ABCA3: variants seen among roughly 807,000 people sequenced by gnomAD.
The protein encoded by ABCA3 is ATP binding cassette subfamily A member 3.
A neutral mutation model predicts 172.8 loss-of-function variants in ABCA3; 88 were observed. The ratio of observed to expected loss-of-function variants is 0.51; its 90% confidence interval spans 0.43 to 0.61. ABCA3 has a LOEUF of 0.61. ABCA3 is among the 20% of genes least tolerant of loss of function. ABCA3 has a pLI of 0.00. For missense variants in ABCA3, 2,164 were observed against 2,301.0 expected, an observed-to-expected ratio of 0.94 and a Z score of 1.22; for synonymous variants, 1,066 against 983.8, an observed-to-expected ratio of 1.08 and a Z score of -1.56.
intron 1 of ABCA3, among the ~76,000 whole-genome samples, chr16:2,334,168 T>G (rs2093747946): frequency 1.3e-5 from 2 of 150,376 alleles, no homozygotes; most frequent in African/African-American, 4.9e-5. Flanking sequence ...TGGGGGGAGG[T>G]GACATGGGAA....
chr16:2,332,381 G>C (rs4787278), intron 1 of ABCA3: 58 of 962,450 alleles, frequency 6.0e-5, no homozygotes, highest in Non-Finnish European at 9.4e-5. Context: ...TCGCAGGGAC[G>C]GGGATCAGCT....
At position 2,297,355 on chromosome 16, in the gene ABCA3, G is replaced by A. The variant is rs1242820672; in HGVS notation, c.2237C>T (p.Ser746Phe). The A allele has an allele frequency of 6.2e-7, 1 of 1,612,324 alleles. No homozygotes were observed. The highest frequency in any genetic ancestry group is 8.5e-7 in the Non-Finnish European group (1 of 1,179,978). The change falls in exon 17 of 33, where the codon TCC becomes TTC. Residue 746 changes from serine (S) to phenylalanine (F), a missense_variant. By Grantham distance (155) the Ser-to-Phe change is radical. This residue lies in a region of ABCA3 where 1,343 missense variants were observed against 1,369.6 expected (regional missense o/e 0.98). Coordinates refer to ENST00000301732, the MANE Select transcript of ABCA3 (RefSeq NM_001089.3). The surrounding 1 kb of genome is among the most constrained non-coding windows in gnomAD (Gnocchi z 5.6). ...GTATTTCTGCTTGAGGAACAGCGAG[G>A]ACCCGCAGCACTGCAGCTCCCCCTT... ...MAKGELQCCGSSLFLKQKYGA... is the reference protein window; with the variant it reads ...MAKGELQCCGFSLFLKQKYGA...
Position 2,281,550 on chromosome 16 carries a change from G to A in ABCA3, c.4036-41C>T, listed in dbSNP as rs546506368. On this transcript the variant is annotated intron_variant, in intron 26 of 32. Coordinates refer to ENST00000301732, the MANE Select transcript of ABCA3 (RefSeq NM_001089.3). This position sits in a 1 kb window ranked among gnomAD's most constrained non-coding sequence, Gnocchi z 4.7. ...AAAGACCGCATGCGTGAACCCAGCC[G>A]CAGGGCGGCTTCCGTGGAGAAGGGA... 9 of 1,609,514 alleles carry A rather than the reference G, an allele frequency of 5.6e-6. No individual in the cohort carries two copies. The highest frequency in any genetic ancestry group is 1.7e-4 in the Middle Eastern group (1 of 5,938).
intron 1 of ABCA3, chr16:2,332,827 T>TA: frequency 3.4e-6 from 2 of 582,666 alleles, no homozygotes; most frequent in East Asian, 2.9e-5. Flanking sequence ...TTTTTTTTTT[T>TA]ACACAGTCTT....
rs781690684 is a variant in ABCA3 at position 2,281,139 on chromosome 16, C to T, written c.4247G>A (p.Gly1416Asp). 1.2e-6 allele frequency: 2 copies of T among 1,613,896 alleles called. No homozygotes were observed. The highest frequency in any genetic ancestry group is 1.7e-6 in the Non-Finnish European group (2 of 1,180,036). Reference protein sequence around the residue: ...VQKGECFGLLGFNGAGKTTTF... With the variant: ...VQKGECFGLLDFNGAGKTTTF... Reference sequence around the variant, plus strand: ...CGTGGTCTTCCCGGCTCCATTGAAGCCCAGCAGGCCGAAGCACTCCCCTTT... The same window carrying T: ...CGTGGTCTTCCCGGCTCCATTGAAGTCCAGCAGGCCGAAGCACTCCCCTTT... Residue 1416 changes from glycine (G) to aspartate (D), a missense_variant, in exon 28 of 33, where the codon GGC (glycine) becomes GAC (aspartate). By Grantham distance (94) the Gly-to-Asp change is moderately conservative. Coordinates refer to ENST00000301732, the MANE Select transcript of ABCA3 (RefSeq NM_001089.3). This position sits in a 1 kb window ranked among gnomAD's most constrained non-coding sequence, Gnocchi z 4.7.
chr16:2,281,806 ATT>A lies in ABCA3; in HGVS notation c.4036-299_4036-298del, dbSNP rs765812169. On this transcript the variant is annotated intron_variant, in intron 26 of 32. Transcript: ENST00000301732. The surrounding 1 kb of genome is among the most constrained non-coding windows in gnomAD (Gnocchi z 4.7). ...GAATATAAAATAAGATTTTTAGACAATTTTTTTTTTTTTTTTGAGACAGAGTC... is the reference window on the plus strand; with the variant it reads ...GAATATAAAATAAGATTTTTAGACAATTTTTTTTTTTTTTGAGACAGAGTC... 9.1e-5 allele frequency among the ~76,000 whole-genome samples: 13 copies of A among 143,564 alleles called. No homozygotes were observed. Among genetic ancestry groups the A allele is most frequent in the African/African-American group, 1.3e-4 (5 of 39,358 alleles). 94.2% of individuals were successfully genotyped at this position (143,564 alleles called of 152,430 possible).
chr16:2,284,543 G>T lies in ABCA3; in HGVS notation c.3704-106C>A. On this transcript the variant is annotated intron_variant, in intron 24 of 32. Coordinates refer to ENST00000301732, the MANE Select transcript of ABCA3 (RefSeq NM_001089.3). This position sits in a 1 kb window ranked among gnomAD's most constrained non-coding sequence, Gnocchi z 5.9. ...CAGGGCCTTATCCGTGCTGTGTGGA[G>T]TGAGGGGGCACCTCCCAGGGACGCC... The T allele has an allele frequency of 6.6e-7, 1 of 1,515,874 alleles. No homozygotes were observed. Among genetic ancestry groups the T allele is most frequent in the Non-Finnish European group, 9.1e-7 (1 of 1,095,692 alleles). 93.9% of individuals were successfully genotyped at this position (1,515,874 alleles called of 1,614,324 possible). A position where few individuals can be genotyped will look rare whatever the true frequency, so the allele number is the denominator to read the frequency against.
chr16:2,324,374 G>T, intron 6 of ABCA3, 30 bp downstream of exon 6: 1 of 1,567,050 alleles, frequency 6.4e-7, no homozygotes, highest in South Asian at 1.2e-5. Context: ...CTGATGGGCT[G>T]TGACTGCTCG....
At chr16:2,306,859 C>T (rs1164595463) in intron 11 of ABCA3, among the ~76,000 whole-genome samples, 1 of 151,514 alleles carries the variant, frequency 6.6e-6, no homozygotes, top group Non-Finnish European at 1.5e-5. Context: ...ACTAAAAATA[C>T]AAAAAATTAG....
rs1012075431 is a variant in ABCA3 at position 2,296,796 on chromosome 16, G to A, written c.2263+533C>T. ...GCCACTCAGTCACTAGGGGGCAGAA[G>A]TGGGACGTGAACTTGGGGGGTGTCC... is the stretch of plus-strand genomic sequence containing the variant. On this transcript the variant is annotated intron_variant, in intron 17 of 32. Transcript: ENST00000301732. Among the ~76,000 whole-genome samples the A allele has an allele frequency of 2.0e-5, 3 of 152,252 alleles. 1 individual carries two copies. Among genetic ancestry groups the A allele is most frequent in the South Asian group, 4.1e-4 (2 of 4,834 alleles).
chr16:2,327,678 G>T (rs537367936), intron 3 of ABCA3, among the ~76,000 whole-genome samples: 3 of 152,112 alleles, frequency 2.0e-5, no homozygotes, highest in Admixed American at 6.6e-5. Context: ...ACAGGTACTG[G>T]CATCAGAGCC....
In ABCA3 at chr16:2,277,808, A is replaced by G. The variant is rs2093648826; in HGVS notation, c.4909+71T>C. 3 of 1,599,300 alleles carry G rather than the reference A, an allele frequency of 1.9e-6. No individual in the cohort carries two copies. The highest frequency in any genetic ancestry group is 2.6e-6 in the Non-Finnish European group (3 of 1,173,834). The stretch of plus-strand genomic sequence containing the variant: ...GCGGGGCGAGGCACAGACGCTCCGC[A>G]CAGCAGATGGGAGAGGCCTAGGTAG... On this transcript the variant is annotated intron_variant, in intron 31 of 32. Coordinates refer to ENST00000301732, the MANE Select transcript of ABCA3 (RefSeq NM_001089.3). This position sits in a 1 kb window ranked among gnomAD's most constrained non-coding sequence, Gnocchi z 5.3.
rs2093682751 is a variant in ABCA3 at position 2,297,978 on chromosome 16, G to A, written c.1897-57C>T. ...GGCTCCTGGCGGGAGGCCGACCCTG[G>A]CCAGCGAGGTTCTGGTGAGAGGAAC... On this transcript the variant is annotated intron_variant, in intron 15 of 32. Transcript: ENST00000301732. This position sits in a 1 kb window ranked among gnomAD's most constrained non-coding sequence, Gnocchi z 5.6. 10 of 1,604,798 alleles carry A rather than the reference G, an allele frequency of 6.2e-6. No individual in the cohort carries two copies. The Admixed American group carries it at 1.3e-4, about 22-fold the overall frequency.
At chr16:2,303,560 A>G (rs980767782) in intron 12 of ABCA3, among the ~76,000 whole-genome samples, 34 of 152,108 alleles carry the variant, frequency 2.2e-4, no homozygotes, top group East Asian at 1.7e-3. Flanking sequence ...GTGAGCCACC[A>G]CGCCTGGCCG....
intron 7 of ABCA3, among the ~76,000 whole-genome samples, chr16:2,321,348 G>A (rs1026324472): frequency 6.6e-6 from 1 of 152,196 alleles, no homozygotes; most frequent in Non-Finnish European, 1.5e-5. Flanking sequence ...TCTTGCCCTA[G>A]AGCATTAGCC....
In ABCA3 at chr16:2,297,229, AC is replaced by A; in HGVS notation, c.2263+99del. The A allele has an allele frequency of 1.5e-6, 2 of 1,359,718 alleles. No individual in the cohort carries two copies. Among genetic ancestry groups the A allele is most frequent in the Non-Finnish European group, 1.0e-6 (1 of 979,732 alleles). The allele number at this position is 1,359,718 out of a possible 1,614,324, so 84.2% of individuals were successfully genotyped here. On this transcript the variant is annotated intron_variant, in intron 17 of 32. Transcript: ENST00000301732. The surrounding 1 kb of genome is among the most constrained non-coding windows in gnomAD (Gnocchi z 5.6). ...ACAGACAGGAAGTCTAGAAAAGGCC[AC>A]CCCTGCCTGATCTGAGGGCCCTTCA...
rs748819386 is a variant in ABCA3, at chr16:2,295,596, G to A, written c.2408C>T (p.Thr803Met). Residue 803 changes from threonine to methionine, a missense_variant, in exon 18 of 33, where the codon ACG (threonine) becomes ATG (methionine). Transcript: ENST00000301732. ...CCCTCCCTGGGAGGCGTACCTGTGC[G>A]TGCTCTCTCTGGGAAGGATGAAAGA... Reference protein sequence around the residue: ...ELSFILPRESTHRFEGLFAKL... With the variant: ...ELSFILPRESMHRFEGLFAKL... The A allele has an allele frequency of 1.5e-5, 25 of 1,613,146 alleles. No individual in the cohort carries two copies. The highest frequency in any genetic ancestry group is 1.3e-4 in the East Asian group (6 of 44,900).
At position 2,283,456 on chromosome 16, in the gene ABCA3, G is replaced by A. The variant is rs189077405; in HGVS notation, c.3863-98C>T. The A allele has an allele frequency of 2.4e-5, 34 of 1,404,462 alleles. No homozygotes were observed. In the Admixed American group the frequency reaches 2.5e-4, roughly 10 times the overall value. 87.0% of individuals were successfully genotyped at this position (1,404,462 alleles called of 1,614,324 possible). The stretch of plus-strand genomic sequence containing the variant: ...CTCCCCTCCCCAGGCTGCTCAAGGC[G>A]CCTGTAACAATGTCCCCTCCATGGG... On this transcript the variant is annotated intron_variant, in intron 25 of 32. Transcript: ENST00000301732. This position sits in a 1 kb window ranked among gnomAD's most constrained non-coding sequence, Gnocchi z 5.4.
At chr16:2,319,304 T>C (rs984549939) in intron 8 of ABCA3, among the ~76,000 whole-genome samples, 2 of 151,878 alleles carry the variant, frequency 1.3e-5, no homozygotes, top group East Asian at 1.9e-4. Flanking sequence ...GCTAACACGG[T>C]GAAACCACGT....
Sources: gnomAD v4.1 joint callset for allele counts (sites outside exome capture counted in the v4.1 genomes callset) on GRCh38, gnomAD v4.1.1 for gene constraint, gnomAD v4.1.1 regional missense constraint, Gnocchi (gnomAD v3.1) non-coding constraint, MANE v1.5 for transcripts, NCBI Gene and HGNC (gene_info 2026-07-23, HGNC 2026-07-21) for gene names.